The following RRAS2 variants were observed in gnomAD, a reference collection of about 807,000 sequenced individuals.
RRAS2 encodes ras-related protein R-Ras2.
RRAS2 carries 7 observed loss-of-function variants against 27.6 expected under a neutral mutation model. That is an observed-to-expected ratio of 0.25 (90% CI 0.14 to 0.48). The LOEUF is 0.48. Ranked by LOEUF, RRAS2 falls within the 20% of genes least tolerant of loss-of-function variation. RRAS2 has a pLI of 0.99. For synonymous variants in RRAS2, 86 were observed against 90.9 expected (o/e 0.95, Z 0.31); for missense variants, 178 against 256.2 (o/e 0.69, Z 2.08).
chr11:14,350,081 T>G (rs1554954564), intron 1 of RRAS2, among the ~76,000 whole-genome samples: 1 of 152,220 alleles, frequency 6.6e-6, no homozygotes, highest in East Asian at 1.9e-4. Flanking sequence ...TTTATCTTTG[T>G]GTTTTGTTTT....
intron 1 of RRAS2, among the ~76,000 whole-genome samples, chr11:14,317,688 A>G (rs1554949722): frequency 1.3e-5 from 2 of 152,272 alleles, no homozygotes; most frequent in Admixed American, 1.3e-4. Flanking sequence ...CGTAGCCTCT[A>G]TCAACAAGAA....
chr11:14,356,622 G>T, intron 1 of RRAS2: 1 of 277,356 alleles, frequency 3.6e-6, no homozygotes, highest in South Asian at 3.3e-5. Context: ...AGACACACAT[G>T]CTCAAGTCTG....
At chr11:14,292,242 C>A (rs963194643) in intron 4 of RRAS2, among the ~76,000 whole-genome samples, 2 of 152,098 alleles carry the variant, frequency 1.3e-5, no homozygotes. Flanking sequence ...TGGGCATACA[C>A]CCTCCTCCCT....
intron 1 of RRAS2, among the ~76,000 whole-genome samples, chr11:14,309,018 C>A (rs1315056303): frequency 6.6e-6 from 1 of 152,196 alleles, no homozygotes; most frequent in Non-Finnish European, 1.5e-5. Context: ...TTAACTAAAA[C>A]TGAGTATTCA....
chr11:14,286,727 A>T (rs782269661), intron 4 of RRAS2, among the ~76,000 whole-genome samples: 3 of 152,266 alleles, frequency 2.0e-5, no homozygotes, highest in Non-Finnish European at 4.4e-5. Flanking sequence ...GATAACGGGC[A>T]GGTTCTACAT....
intron 1 of RRAS2, among the ~76,000 whole-genome samples, chr11:14,297,258 C>CAT (rs1847577609): frequency 6.6e-6 from 1 of 152,156 alleles, no homozygotes. Flanking sequence ...TAGGAACCAG[C>CAT]ATCAAGAGTA....
intron 1 of RRAS2, among the ~76,000 whole-genome samples, chr11:14,303,663 T>C (rs1466004425): frequency 5.9e-5 from 9 of 152,136 alleles, no homozygotes; most frequent in African/African-American, 2.2e-4. Context: ...TCAATACTCA[T>C]CTAAATTAAA....
chr11:14,293,141 A>G (rs1001976973), intron 4 of RRAS2, among the ~76,000 whole-genome samples: 43 of 130,028 alleles, frequency 3.3e-4, no homozygotes, highest in Non-Finnish European at 6.4e-4. Flanking sequence ...ATATATATAT[A>G]TATATATATA....
At chr11:14,307,263 GA>G (rs1232148203) in intron 1 of RRAS2, among the ~76,000 whole-genome samples, 8 of 149,854 alleles carry the variant, frequency 5.3e-5, no homozygotes, top group Admixed American at 1.3e-4. Context: ...AAGGAAGAGG[GA>G]AAAAAAAACT....
At chr11:14,301,125 G>C (rs1333639417) in intron 1 of RRAS2, among the ~76,000 whole-genome samples, 1 of 152,188 alleles carries the variant, frequency 6.6e-6, no homozygotes, top group East Asian at 1.9e-4. Context: ...GGTATAGAAA[G>C]GGGAAGGGAA....
intron 1 of RRAS2, among the ~76,000 whole-genome samples, chr11:14,332,275 T>C (rs1032413829): frequency 6.6e-6 from 1 of 152,146 alleles, no homozygotes; most frequent in Non-Finnish European, 1.5e-5. Context: ...ACCCAAATGT[T>C]CTATCAATAA....
intron 4 of RRAS2, among the ~76,000 whole-genome samples, chr11:14,283,340 T>G (rs1849590337): frequency 6.6e-6 from 1 of 152,218 alleles, no homozygotes; most frequent in South Asian, 2.1e-4. Flanking sequence ...AATCTTTATA[T>G]CTGTGTTCAT....
At chr11:14,342,135 T>A in intron 1 of RRAS2, 1 of 204,638 alleles carries the variant, frequency 4.9e-6, no homozygotes, top group Non-Finnish European at 9.8e-6. Flanking sequence ...ACCCCACTGC[T>A]CCTCCCAGAT....
chr11:14,295,736 T>A, intron 2 of RRAS2, 32 bp downstream of exon 2: 2 of 1,525,956 alleles, frequency 1.3e-6, no homozygotes, highest in Non-Finnish European at 1.8e-6. Context: ...AAATATGATA[T>A]GCAAATTATC....
In RRAS2 at chr11:14,282,678, A is replaced by G. The variant is rs142216662; in HGVS notation, c.409-958T>C. Among the ~76,000 whole-genome samples, 75 of 152,248 alleles carry G rather than the reference A, an allele frequency of 4.9e-4. No homozygotes were observed. The East Asian group carries it at 0.013, about 27-fold the overall frequency. ...TGGGGGGAAAAAAAAAATCAAAGAA[A>G]ATTTAAGAACCTATCAACCATAGAG... On this transcript the variant is annotated intron_variant, in intron 4 of 5. Transcript: ENST00000256196.
intron 1 of RRAS2, among the ~76,000 whole-genome samples, chr11:14,315,044 A>G (rs1591465619): frequency 1.3e-5 from 2 of 152,358 alleles, no homozygotes; most frequent in South Asian, 2.1e-4. Flanking sequence ...ATAAAAAGCA[A>G]AAGTCTCACT....
At chr11:14,347,008 A>C (rs1449535800) in intron 1 of RRAS2, among the ~76,000 whole-genome samples, 1 of 152,142 alleles carries the variant, frequency 6.6e-6, no homozygotes, top group Non-Finnish European at 1.5e-5. Flanking sequence ...AAAATAAAAA[A>C]GTTAGACGGG....
chr11:14,293,590 T>G (rs1554946132), intron 4 of RRAS2, among the ~76,000 whole-genome samples: 1 of 152,082 alleles, frequency 6.6e-6, no homozygotes, highest in Non-Finnish European at 1.5e-5. Flanking sequence ...ATCTGATGGT[T>G]TTATAAAGGG....
At chr11:14,281,865 G>A (rs1367848583) in intron 4 of RRAS2, 145 bp from the exon 5 acceptor site, 2 of 653,554 alleles carry the variant, frequency 3.1e-6, no homozygotes, top group Non-Finnish European at 5.3e-6. Context: ...AACAGCTCAA[G>A]ATAAACTAAA....
Sources: allele counts gnomAD v4.1 joint callset (sites outside exome capture counted in the v4.1 genomes callset), GRCh38; gene constraint gnomAD v4.1.1; transcripts MANE v1.5; gene names NCBI Gene and HGNC (gene_info 2026-07-23, HGNC 2026-07-21).